FANCM: variants seen among roughly 807,000 people sequenced by gnomAD.
FANCM encodes FA complementation group M.
A neutral mutation model predicts 199.5 loss-of-function variants in FANCM; 140 were observed. The observed-to-expected ratio is 0.70, with a 90% CI of 0.61 to 0.81. The LOEUF is 0.81. Among genes scored for constraint, FANCM ranks in the 30% least tolerant of loss-of-function variants. The pLI is 0.00. For synonymous variants in FANCM, 840 were observed against 836.8 expected, an observed-to-expected ratio of 1.00 and a Z score of -0.07; for missense variants, 2,410 against 2,421.4, an observed-to-expected ratio of 1.00 and a Z score of 0.10.
At chr14:45,166,919 A>C in intron 10 of FANCM, 31 bp from the exon 11 acceptor site, 1 of 1,169,520 alleles carries the variant, frequency 8.6e-7, no homozygotes, top group Non-Finnish European at 1.3e-6. Flanking sequence ...TAAAAGTAAT[A>C]TAATCTGACA....
chr14:45,182,261 A>G (rs1170545596), intron 16 of FANCM, among the ~76,000 whole-genome samples: 1 of 152,256 alleles, frequency 6.6e-6, no homozygotes, highest in Non-Finnish European at 1.5e-5. Flanking sequence ...ACAGAATAAC[A>G]GCCTAAAGGA....
intron 8 of FANCM, among the ~76,000 whole-genome samples, chr14:45,158,463 A>G (rs1430993689): frequency 7.2e-6 from 1 of 139,766 alleles, no homozygotes; most frequent in Admixed American, 7.1e-5. Context: ...ACATATCGGG[A>G]GCAGCTTTGG....
chr14:45,175,611 A>C lies in FANCM; in HGVS notation c.2857A>C (p.Lys953Gln). 1 of 1,613,662 alleles carries C rather than the reference A, an allele frequency of 6.2e-7. No homozygotes were observed. Residue 953 changes from lysine to glutamine, a missense_variant, in exon 14 of 23, where the codon AAA becomes CAA. Coordinates refer to ENST00000267430, the MANE Select transcript of FANCM (RefSeq NM_020937.4). Reference protein sequence around the residue: ...DSGYNSFNDEKSVSSNLFLPF... With the variant: ...DSGYNSFNDEQSVSSNLFLPF... ...TGGTTATAACAGTTTCAATGATGAAAAATCTGTTTCATCTAACTTATTTCT... is the reference window on the plus strand; with the variant it reads ...TGGTTATAACAGTTTCAATGATGAACAATCTGTTTCATCTAACTTATTTCT...
In FANCM at chr14:45,175,760, T is replaced by C. The variant is rs764430058; in HGVS notation, c.3006T>C (p.Ser1002=). 6.2e-7 allele frequency: 1 copy of C among 1,613,784 alleles called. No individual in the cohort carries two copies. The highest frequency in any genetic ancestry group is 8.5e-7 in the Non-Finnish European group (1 of 1,179,824). The change falls in exon 14 of 23, where the codon AGT becomes AGC. Residue 1002 remains serine, a synonymous_variant. Transcript: ENST00000267430. The stretch of plus-strand genomic sequence containing the variant: ...TATCTTATTCTCCTCCGCCTCTCAG[T>C]GGACTCTCAGACTTGGAATATGAAA... ...RFLSYSPPPL[S]GLSDLEYEIA...
Position 45,196,482 on chromosome 14 carries a change from T to C in FANCM, c.5651T>C (p.Ile1884Thr). ...SVNKNKFIEQ[I>T]QHLQSMFERI... is the part of the protein sequence containing the mutation. Reference sequence around the variant, plus strand: ...AATAAGAACAAGTTCATTGAGCAGATCCAGCACCTGCAGAGTATGTTTGAA... The same window carrying C: ...AATAAGAACAAGTTCATTGAGCAGACCCAGCACCTGCAGAGTATGTTTGAA... Residue 1884 changes from isoleucine (I) to threonine (T), a missense_variant, in exon 21 of 23, where the codon ATC becomes ACC. Transcript: ENST00000267430. 6.2e-7 allele frequency: 1 copy of C among 1,614,114 alleles called. No individual in the cohort carries two copies. The highest frequency in any genetic ancestry group is 8.5e-7 in the Non-Finnish European group (1 of 1,180,002).
intron 19 of FANCM, among the ~76,000 whole-genome samples, chr14:45,188,151 C>T (rs1007323979): frequency 1.3e-5 from 2 of 152,148 alleles, no homozygotes; most frequent in Admixed American, 6.6e-5. Flanking sequence ...CCAGCCTGGC[C>T]AACATGGTGA....
intron 9 of FANCM, among the ~76,000 whole-genome samples, chr14:45,162,086 G>A (rs1887647224): frequency 6.6e-6 from 1 of 152,074 alleles, no homozygotes; most frequent in African/African-American, 2.4e-5. Flanking sequence ...TAACTAAGAT[G>A]GATAAGACTG....
At position 45,199,862 on chromosome 14, in the gene FANCM, T is replaced by G; in HGVS notation, c.6009-8T>G. 6.2e-7 allele frequency: 1 copy of G among 1,611,072 alleles called. No individual in the cohort carries two copies. Among genetic ancestry groups the G allele is most frequent in the Non-Finnish European group, 8.5e-7 (1 of 1,177,932 alleles). ...TAGTGTAATGATTTTGTCTCATTTA[T>G]TTTTCAGCTCACTTCAAGAAATCTC... On this transcript the variant is annotated splice_polypyrimidine_tract_variant and splice_region_variant and intron_variant, in intron 22 of 22. Transcript: ENST00000267430.
intron 14 of FANCM, among the ~76,000 whole-genome samples, chr14:45,179,996 C>T (rs980083120): frequency 6.6e-6 from 1 of 152,268 alleles, no homozygotes; most frequent in South Asian, 2.1e-4. Context: ...CCTACAATTT[C>T]TTTGAGGCTC....
intron 20 of FANCM, among the ~76,000 whole-genome samples, chr14:45,191,713 TAGG>T (rs986636179): frequency 2.6e-5 from 4 of 152,210 alleles, no homozygotes; most frequent in African/African-American, 4.8e-5. Context: ...TACTTGAAAT[TAGG>T]AGGAGAAAGA....
intron 2 of FANCM, among the ~76,000 whole-genome samples, chr14:45,139,136 A>G (rs1159200687): frequency 5.3e-5 from 8 of 152,324 alleles, no homozygotes; most frequent in East Asian, 1.9e-4. Flanking sequence ...CTTCTATTAT[A>G]TGTAAGGACC....
At chr14:45,162,914 T>C (rs1294608111) in intron 9 of FANCM, among the ~76,000 whole-genome samples, 2 of 152,184 alleles carry the variant, frequency 1.3e-5, no homozygotes, top group African/African-American at 4.8e-5. Context: ...TACTGTGTTA[T>C]ATGCAGGTTG....
intron 6 of FANCM, 143 bp from the exon 7 acceptor site, chr14:45,154,554 T>C (rs1887048659): frequency 1.7e-6 from 1 of 583,128 alleles, no homozygotes; most frequent in South Asian, 2.6e-5. Flanking sequence ...TATATGAATG[T>C]AGAACTGCAA....
In FANCM at chr14:45,200,014, C is replaced by T. The variant is rs762727997; in HGVS notation, c.*6C>T. The T allele has an allele frequency of 5.6e-6, 9 of 1,603,296 alleles. No individual in the cohort carries two copies. The African/African-American group carries it at 1.1e-4, about 19-fold the overall frequency. ...GACTGAAATCTGATATATAATCAAG[C>T]TGCTCAAGATGGGGTTTTCAAAGAC... On this transcript the variant is annotated 3_prime_UTR_variant, in exon 23 of 23. Transcript: ENST00000267430.
At chr14:45,170,783 C>A (rs45441503) in intron 12 of FANCM, 37 bp downstream of exon 12, 744 of 1,573,242 alleles carry the variant, frequency 4.7e-4, no homozygotes, top group South Asian at 8.0e-4. Context: ...CTTTTCCCCC[C>A]CCTCATTTTA....
intron 19 of FANCM, 57 bp downstream of exon 19, chr14:45,187,944 C>A: frequency 1.1e-6 from 1 of 879,450 alleles, no homozygotes. Context: ...GAAATATGTT[C>A]CTGTTAGTGA....
intron 18 of FANCM, among the ~76,000 whole-genome samples, chr14:45,186,920 G>C (rs1399714488): frequency 6.6e-6 from 1 of 152,196 alleles, no homozygotes; most frequent in Non-Finnish European, 1.5e-5. Context: ...GGTAGACTGA[G>C]ACCAGTTAGG....
intron 8 of FANCM, among the ~76,000 whole-genome samples, chr14:45,157,981 C>T (rs1047627673): frequency 1.3e-5 from 2 of 152,020 alleles, no homozygotes; most frequent in African/African-American, 4.8e-5. Context: ...CAGATCTCTT[C>T]AGCCCAGGAG....
In FANCM at chr14:45,175,815, C is replaced by A; in HGVS notation, c.3061C>A (p.Leu1021Ile). 4 of 1,613,792 alleles carry A rather than the reference C, an allele frequency of 2.5e-6. No individual in the cohort carries two copies. The highest frequency in any genetic ancestry group is 3.4e-6 in the Non-Finnish European group (4 of 1,179,934). Residue 1021 changes from leucine to isoleucine, a missense_variant, in exon 14 of 23, where the codon CTT becomes ATT. Transcript: ENST00000267430. ...IAKGTALENL[L>I]FLPCAEHLRS... The stretch of plus-strand genomic sequence containing the variant: ...TAAGGGTACTGCACTTGAGAATTTG[C>A]TTTTCTTACCCTGTGCAGAGCATTT...
Sources: allele counts gnomAD v4.1 joint callset (sites outside exome capture counted in the v4.1 genomes callset), GRCh38; gene constraint gnomAD v4.1.1; transcripts MANE v1.5; gene names NCBI Gene and HGNC (gene_info 2026-07-23, HGNC 2026-07-21).